Variants in DHRS12 observed in about 807,000 individuals in gnomAD.
The protein encoded by DHRS12 is dehydrogenase/reductase SDR family member 12.
Under a neutral mutation model 32.1 loss-of-function variants are expected in DHRS12, and 29 were observed. That is an observed-to-expected ratio of 0.90 (90% CI 0.67 to 1.23). DHRS12 has a LOEUF of 1.23. Ranked by LOEUF, DHRS12 falls within the 50% of genes most tolerant of loss-of-function variation. The probability of loss-of-function intolerance (pLI) is 0.00; values close to 1 mark genes in which losing one functional copy is unlikely to be tolerated. For missense variants in DHRS12, 330 were observed against 337.2 expected (o/e 0.98, Z 0.17); for synonymous variants, 150 against 135.9 (o/e 1.10, Z -0.72).
At chr13:51,785,341 T>C (rs561599494) in intron 4 of DHRS12, among the ~76,000 whole-genome samples, 1 of 151,850 alleles carries the variant, frequency 6.6e-6, no homozygotes, top group African/African-American at 2.4e-5. Flanking sequence ...AGAATTGGAA[T>C]GTAAAAAAAA....
Position 51,768,105 on chromosome 13 carries a change from GTCT to G in DHRS12, c.*79_*81del, listed in dbSNP as rs141642989. The G allele has an allele frequency of 0.096, 144,942 of 1,515,480 alleles. 9,177 individuals are homozygous for G. Among genetic ancestry groups the G allele is most frequent in the Admixed American group, 0.25 (12,447 of 48,826 alleles). 93.9% of individuals were successfully genotyped at this position (1,515,480 alleles called of 1,614,324 possible). On this transcript the variant is annotated 3_prime_UTR_variant, in exon 9 of 9. Coordinates refer to ENST00000444610, the MANE Select transcript of DHRS12 (RefSeq NM_001377533.1). ...GTCTTCGAGGGGAAGTTGAAGTGGGGTCTTCTTATTCACTGGTCCCTAGACCGC... is the reference window on the plus strand; with the variant it reads ...GTCTTCGAGGGGAAGTTGAAGTGGGGTCTTATTCACTGGTCCCTAGACCGC...
chr13:51,770,223 G>GA (rs1953950104), intron 7 of DHRS12, among the ~76,000 whole-genome samples: 1 of 152,114 alleles, frequency 6.6e-6, no homozygotes, highest in African/African-American at 2.4e-5. Flanking sequence ...TAGGCAAAAA[G>GA]AAAAAATGTG....
chr13:51,795,826 G>A (rs1013280014), intron 2 of DHRS12, among the ~76,000 whole-genome samples: 7 of 152,268 alleles, frequency 4.6e-5, no homozygotes, highest in African/African-American at 1.7e-4. Context: ...AAAGCTGTCT[G>A]GTTGTAGGAG....
intron 7 of DHRS12, 35 bp downstream of exon 7, chr13:51,771,786 C>T (rs145376065): frequency 1.7e-4 from 266 of 1,609,506 alleles, no homozygotes; most frequent in Middle Eastern, 6.6e-4. Flanking sequence ...TTAGATGAAA[C>T]GTAAGTGGCT....
At chr13:51,790,231 T>C in intron 3 of DHRS12, 139 bp from the exon 4 acceptor site, 1 of 642,032 alleles carries the variant, frequency 1.6e-6, no homozygotes, top group East Asian at 3.0e-5. Flanking sequence ...ACTGATTCTT[T>C]ACTCCAAACC....
intron 3 of DHRS12, 61 bp from the exon 4 acceptor site, chr13:51,790,153 TC>T: frequency 7.5e-7 from 1 of 1,324,834 alleles, no homozygotes. Context: ...CCTATTTCCA[TC>T]CCCACACCTC....
intron 1 of DHRS12, 86 bp from the exon 2 acceptor site, chr13:51,799,753 G>A (rs1955667600): frequency 5.3e-6 from 8 of 1,503,180 alleles, no homozygotes; most frequent in Non-Finnish European, 7.2e-6. Flanking sequence ...TCTAGGATGG[G>A]CATTATTGCT....
chr13:51,790,025 G>A lies in DHRS12; in HGVS notation c.287C>T (p.Ala96Val). ...LTEDGLEKNFAANTLGVYILT... is the reference protein window; with the variant it reads ...LTEDGLEKNFVANTLGVYILT... Reference sequence around the variant, plus strand: ...CTTGTACTTACCCAGAGTATTGGCAGCAAAGTTTTTTTCAAGTCCATCTTC... The same window carrying A: ...CTTGTACTTACCCAGAGTATTGGCAACAAAGTTTTTTTCAAGTCCATCTTC... The change falls in exon 4 of 9, where the codon GCT becomes GTT. Residue 96 changes from alanine (A) to valine (V), a missense_variant. Ala to Val is a moderately conservative substitution (Grantham distance 64). Transcript: ENST00000444610. 6.2e-7 allele frequency: 1 copy of A among 1,603,478 alleles called. No homozygotes were observed. Among genetic ancestry groups the A allele is most frequent in the South Asian group, 1.1e-5 (1 of 88,618 alleles).
chr13:51,758,130 A>G, the DHRS12 span: 1 of 1,322,748 alleles, frequency 7.6e-7, no homozygotes, highest in East Asian at 2.4e-5. Flanking sequence ...ATGTCATCCT[A>G]GATCTCTCTC....
At chr13:51,786,726 C>A (rs1172750991) in intron 4 of DHRS12, among the ~76,000 whole-genome samples, 1 of 152,200 alleles carries the variant, frequency 6.6e-6, no homozygotes, top group Non-Finnish European at 1.5e-5. Context: ...ATTCTACCAG[C>A]TTCAAAACCC....
the DHRS12 span, among the ~76,000 whole-genome samples, chr13:51,759,295 G>A: frequency 6.6e-5 from 10 of 152,056 alleles, no homozygotes; most frequent in African/African-American, 1.7e-4. Context: ...GACACAGCAC[G>A]TGCTTGGCGT....
chr13:51,795,899 C>T (rs1360999354), intron 2 of DHRS12, among the ~76,000 whole-genome samples: 2 of 152,152 alleles, frequency 1.3e-5, no homozygotes, highest in Non-Finnish European at 1.5e-5. Context: ...CACTATGATA[C>T]AGAGCATGGC....
In DHRS12 at chr13:51,768,131, C is replaced by T. The variant is rs1359035548; in HGVS notation, c.*56G>A. ...TCTTCTTATTCACTGGTCCCTAGAC[C>T]GCACCTTCTGGTATCTTCTAAGGCA... On this transcript the variant is annotated 3_prime_UTR_variant, in exon 9 of 9. Transcript: ENST00000444610. 5.9e-6 allele frequency: 9 copies of T among 1,534,412 alleles called. No homozygotes were observed. The Admixed American group carries it at 1.6e-4, about 27-fold the overall frequency.
chr13:51,767,674 T>C (rs1442652626), downstream of DHRS12: 1 of 153,924 alleles, frequency 6.5e-6, no homozygotes, highest in Non-Finnish European at 1.4e-5. Context: ...TAAGCAAATG[T>C]AAACTAGGCC....
chr13:51,756,641 T>G, the DHRS12 span: 2 of 985,212 alleles, frequency 2.0e-6, no homozygotes, highest in Non-Finnish European at 2.4e-6. Flanking sequence ...TCCTGTGAGA[T>G]GAGAGAAGAG....
At chr13:51,796,390 T>C (rs1955513091) in intron 2 of DHRS12, among the ~76,000 whole-genome samples, 1 of 152,150 alleles carries the variant, frequency 6.6e-6, no homozygotes. Flanking sequence ...AGGCCACTTA[T>C]AAACCCGAGA....
intron 4 of DHRS12, among the ~76,000 whole-genome samples, chr13:51,780,676 C>G (rs762880071): frequency 6.6e-6 from 1 of 152,170 alleles, no homozygotes; most frequent in Non-Finnish European, 1.5e-5. Flanking sequence ...TGAAGCAAAT[C>G]TCTCTATCAA....
the DHRS12 span, among the ~76,000 whole-genome samples, chr13:51,755,169 T>C: frequency 2.0e-5 from 3 of 152,216 alleles, no homozygotes; most frequent in Admixed American, 2.0e-4. Flanking sequence ...TATTCACCAC[T>C]ACATCCCATC....
intron 1 of DHRS12, 122 bp from the exon 2 acceptor site, chr13:51,799,789 G>A (rs902624646): frequency 1.0e-5 from 12 of 1,180,898 alleles, no homozygotes; most frequent in Admixed American, 4.5e-5. Context: ...AACACATCAC[G>A]AAACTCCTTT....
Sources: allele counts gnomAD v4.1 joint callset (sites outside exome capture counted in the v4.1 genomes callset), GRCh38; gene constraint gnomAD v4.1.1; transcripts MANE v1.5; gene names NCBI Gene and HGNC (gene_info 2026-07-23, HGNC 2026-07-21).